Variants in IL6ST observed in about 807,000 individuals in gnomAD.
IL6ST encodes the protein interleukin-6 receptor subunit beta.
In IL6ST, 24 loss-of-function variants were observed where a neutral mutation model predicts 91.3. The observed-to-expected ratio is 0.26, with a 90% CI of 0.19 to 0.37. IL6ST has a LOEUF of 0.37. Among genes scored for constraint, IL6ST ranks in the 10% least tolerant of loss-of-function variants. IL6ST has a pLI of 1.00. For synonymous variants in IL6ST, 351 were observed against 373.6 expected (o/e 0.94, Z 0.70); for missense variants, 914 against 1,078.5 (o/e 0.85, Z 2.14).
At chr5:55,958,397 G>C (rs2111730447) in intron 8 of IL6ST, among the ~76,000 whole-genome samples, 1 of 152,164 alleles carries the variant, frequency 6.6e-6, no homozygotes, top group East Asian at 1.9e-4. Flanking sequence ...AATATCAACT[G>C]ACATTTCATT....
chr5:55,959,566 C>CT, intron 8 of IL6ST: 1 of 847,258 alleles, frequency 1.2e-6, no homozygotes, highest in South Asian at 1.5e-5. Flanking sequence ...CTTTTTGTGC[C>CT]TTTTTTATTC....
At chr5:55,952,177 T>A in intron 12 of IL6ST, 73 bp downstream of exon 12, 1 of 1,480,892 alleles carries the variant, frequency 6.8e-7, no homozygotes. Context: ...CATCTTTATT[T>A]AAAAGCGATA....
chr5:55,955,826 G>A (rs774406025), intron 10 of IL6ST, among the ~76,000 whole-genome samples, 199 bp downstream of exon 10: 1 of 152,176 alleles, frequency 6.6e-6, no homozygotes, highest in Non-Finnish European at 1.5e-5. Context: ...AGACCAGCCT[G>A]AGCAACCTGG....
At chr5:55,952,218 T>A (rs745652645) in intron 12 of IL6ST, 32 bp downstream of exon 12, 2 of 1,493,594 alleles carry the variant, frequency 1.3e-6, no homozygotes, top group South Asian at 2.4e-5. Flanking sequence ...AGCCCTAAAC[T>A]TTTTTTTTCA....
intron 15 of IL6ST, among the ~76,000 whole-genome samples, 198 bp downstream of exon 15, chr5:55,947,295 A>T (rs1580791032): frequency 6.6e-6 from 1 of 152,290 alleles, no homozygotes; most frequent in Admixed American, 6.5e-5. Flanking sequence ...AGAAGAAGAC[A>T]GATTACAAAG....
At chr5:55,988,126 GC>G (rs1215287795) in intron 1 of IL6ST, among the ~76,000 whole-genome samples, 1 of 135,700 alleles carries the variant, frequency 7.4e-6, no homozygotes, top group East Asian at 2.1e-4. Flanking sequence ...GTGAGGCTCT[GC>G]CTCCAAAAAA....
At chr5:55,957,444 A>C (rs1752058997) in intron 8 of IL6ST, among the ~76,000 whole-genome samples, 153 bp from the exon 9 acceptor site, 2 of 152,218 alleles carry the variant, frequency 1.3e-5, no homozygotes, top group African/African-American at 2.4e-5. Context: ...AACCCAGCAC[A>C]AAACACCTGG....
At chr5:55,979,798 A>T (rs1325127235) in intron 2 of IL6ST, among the ~76,000 whole-genome samples, 3 of 152,216 alleles carry the variant, frequency 2.0e-5, no homozygotes, top group Non-Finnish European at 4.4e-5. Context: ...ATTTTATCCT[A>T]CAGATATGAA....
At chr5:55,990,746 CTTTT>C (rs1428311263) in intron 1 of IL6ST, among the ~76,000 whole-genome samples, 2 of 151,036 alleles carry the variant, frequency 1.3e-5, no homozygotes. Context: ...TGCCCACCCA[CTTTT>C]TTTGTTTATT....
At chr5:55,977,320 T>A (rs542199977) in intron 2 of IL6ST, among the ~76,000 whole-genome samples, 1 of 152,116 alleles carries the variant, frequency 6.6e-6, no homozygotes, top group East Asian at 1.9e-4. Flanking sequence ...CTCAAACTCC[T>A]GGGCTCGAGC....
chr5:55,957,289 G>A lies in IL6ST; in HGVS notation c.976C>T (p.Pro326Ser). 1.3e-6 allele frequency: 2 copies of A among 1,487,156 alleles called. No individual in the cohort carries two copies. The highest frequency in any genetic ancestry group is 1.8e-6 in the Non-Finnish European group (2 of 1,092,184). The allele number at this position is 1,487,156 out of a possible 1,614,324, so 92.1% of individuals were successfully genotyped here. A position where few individuals can be genotyped will look rare whatever the true frequency, so the allele number is the denominator to read the frequency against. Reference protein sequence around the residue: ...EASGITYEDRPSKAPSFWYKI... With the variant: ...EASGITYEDRSSKAPSFWYKI... ...TACCAGAAACTTGGTGCTTTAGATG[G>A]TCCTAAAGAAAAGACATAAACTCCT... The change falls in exon 9 of 17, where the codon CCA becomes TCA. Residue 326 changes from proline (P) to serine (S), a missense_variant and splice_region_variant. Physicochemically the swap from Pro to Ser is moderately conservative, Grantham distance 74 (BLOSUM62 -1). Transcript: ENST00000381298.
At position 55,938,322 on chromosome 5, in the gene IL6ST, T is replaced by TA. The variant is rs1405827230; in HGVS notation, c.*2759dup. The TA allele has an allele frequency of 2.1e-5, 4 of 191,398 alleles. No homozygotes were observed. Among genetic ancestry groups the TA allele is most frequent in the East Asian group, 8.3e-5 (1 of 12,068 alleles). The allele number at this position is 191,398 out of a possible 1,614,324, so 11.9% of individuals were successfully genotyped here. A position where few individuals can be genotyped will look rare whatever the true frequency, so the allele number is the denominator to read the frequency against. On this transcript the variant is annotated 3_prime_UTR_variant, in exon 17 of 17. Coordinates refer to ENST00000381298, the MANE Select transcript of IL6ST (RefSeq NM_002184.4). ...TTCCCGAGTGCCGACTGATCCATAGTAAAAAAGGACAAGATTAAAATTTTA... is the reference window on the plus strand; with the variant it reads ...TTCCCGAGTGCCGACTGATCCATAGTAAAAAAAGGACAAGATTAAAATTTTA...
chr5:55,946,078 G>A (rs1229294321), intron 15 of IL6ST, among the ~76,000 whole-genome samples: 2 of 152,036 alleles, frequency 1.3e-5, no homozygotes, highest in African/African-American at 4.8e-5. Flanking sequence ...AACCCAATTT[G>A]AAAATGGGTA....
chr5:55,949,066 A>C (rs1051988178), intron 14 of IL6ST: 6 of 152,328 alleles, frequency 3.9e-5, no homozygotes, highest in African/African-American at 7.2e-5. Context: ...TATACAAAGA[A>C]GACACTAAAA....
chr5:55,969,918 A>G (rs1752865781), intron 3 of IL6ST, 63 bp from the exon 4 acceptor site: 6 of 1,078,486 alleles, frequency 5.6e-6, no homozygotes. Flanking sequence ...AATGATATCT[A>G]GCTGGTAGCA....
chr5:55,944,508 T>C, intron 15 of IL6ST: 2 of 380,130 alleles, frequency 5.3e-6, no homozygotes, highest in South Asian at 5.1e-5. Context: ...GCCTGTCTAC[T>C]GAAAACTACA....
intron 6 of IL6ST, among the ~76,000 whole-genome samples, chr5:55,963,920 T>C (rs1752483482): frequency 6.6e-6 from 1 of 152,192 alleles, no homozygotes; most frequent in Non-Finnish European, 1.5e-5. Context: ...TTGATATTAT[T>C]GATAAAATGA....
At chr5:55,980,935 GC>G (rs769865584) in intron 2 of IL6ST, among the ~76,000 whole-genome samples, 1 of 152,140 alleles carries the variant, frequency 6.6e-6, no homozygotes, top group Non-Finnish European at 1.5e-5. Flanking sequence ...TCACTATGTT[GC>G]ACAGGCAGGT....
chr5:55,948,867 T>G (rs1751440068), intron 14 of IL6ST: 1 of 152,186 alleles, frequency 6.6e-6, no homozygotes. Context: ...ACTGTCTACA[T>G]AGTCCACAGG....
Sources: allele counts gnomAD v4.1 joint callset (sites outside exome capture counted in the v4.1 genomes callset), GRCh38; gene constraint gnomAD v4.1.1; transcripts MANE v1.5; gene names NCBI Gene and HGNC (gene_info 2026-07-23, HGNC 2026-07-21).